HNRNPH3: variants seen among roughly 807,000 people sequenced by gnomAD.
HNRNPH3 encodes the protein heterogeneous nuclear ribonucleoprotein 2H9.
In HNRNPH3, 7 loss-of-function variants were observed where a neutral mutation model predicts 47.0. The observed-to-expected ratio is 0.15, with a 90% CI of 0.08 to 0.28. The LOEUF (loss-of-function observed/expected upper bound fraction) is 0.28. HNRNPH3 is among the 10% of genes least tolerant of loss of function. The pLI, the probability that HNRNPH3 is intolerant of heterozygous loss-of-function variation, is 1.00. For synonymous variants in HNRNPH3, 120 were observed against 143.2 expected (o/e 0.84, Z 1.16); for missense variants, 279 against 449.6 (o/e 0.62, Z 3.43).
In HNRNPH3 at chr10:68,341,783, T is replaced by C. The variant is rs1238768477; in HGVS notation, c.896T>C (p.Val299Ala). 1 of 1,608,712 alleles carries C rather than the reference T, an allele frequency of 6.2e-7. No individual in the cohort carries two copies. The highest frequency in any genetic ancestry group is 2.2e-5 in the East Asian group (1 of 44,842). The change falls in exon 9 of 10, where the codon GTT becomes GCT. Residue 299 changes from valine (V) to alanine (A), a missense_variant. Around this residue, in one of 2 missense-constraint regions of HNRNPH3, gnomAD observed 239 missense variants for 335.8 expected, o/e 0.71. Transcript: ENST00000265866. ...GMDNQGGYGS[V>A]GRMGMGNNYS... ...GATAATCAGGGAGGCTATGGATCAGTTGGAAGAATGGGAATGGGGAACAAT... is the reference window on the plus strand; with the variant it reads ...GATAATCAGGGAGGCTATGGATCAGCTGGAAGAATGGGAATGGGGAACAAT...
intron 6 of HNRNPH3, among the ~76,000 whole-genome samples, chr10:68,340,809 C>CTT (rs548741674): frequency 1.4e-4 from 8 of 57,264 alleles, no homozygotes; most frequent in South Asian, 1.7e-3. Flanking sequence ...TGTTTGTGTG[C>CTT]TTTTTTTTTT....
intron 6 of HNRNPH3, among the ~76,000 whole-genome samples, chr10:68,340,427 G>T (rs966567558): frequency 6.6e-6 from 1 of 152,226 alleles, no homozygotes; most frequent in African/African-American, 2.4e-5. Flanking sequence ...GAAATAACAG[G>T]AATAGATGCT....
intron 1 of HNRNPH3, among the ~76,000 whole-genome samples, chr10:68,332,417 C>T (rs2045196490): frequency 6.6e-6 from 1 of 152,294 alleles, no homozygotes; most frequent in South Asian, 2.1e-4. Context: ...AGGACTTGCT[C>T]AGGTGGAATT....
At position 68,338,705 on chromosome 10, in the gene HNRNPH3, A is replaced by G. The variant is rs199980203; in HGVS notation, c.436+18A>G. 123 of 1,534,508 alleles carry G rather than the reference A, an allele frequency of 8.0e-5. 1 individual carries two copies. In the African/African-American group the frequency reaches 1.6e-3, roughly 20 times the overall value. On this transcript the variant is annotated intron_variant, in intron 4 of 9. Transcript: ENST00000265866. ...TGATGGTGGTATGTGTATCTAATGA[A>G]CAAAGGTTCTGTTGTCATTTTCTTA...
At chr10:68,334,633 A>G (rs1033624243) in intron 1 of HNRNPH3, among the ~76,000 whole-genome samples, 17 of 152,222 alleles carry the variant, frequency 1.1e-4, no homozygotes, top group Non-Finnish European at 2.4e-4. Context: ...AAATGGAATC[A>G]TGCAATATGT....
At chr10:68,336,968 A>C in intron 1 of HNRNPH3, 2 of 384,612 alleles carry the variant, frequency 5.2e-6, no homozygotes, top group Non-Finnish European at 9.3e-6. Context: ...GCAATATATA[A>C]TATTGATACT....
chr10:68,339,591 C>T (rs1431429658), intron 6 of HNRNPH3, 36 bp downstream of exon 6: 5 of 1,282,846 alleles, frequency 3.9e-6, no homozygotes, highest in South Asian at 2.5e-5. Flanking sequence ...TGGTTTTATA[C>T]TTATCCTGGT....
At chr10:68,331,993 G>A (rs984053677), upstream of HNRNPH3, 1 of 152,540 alleles carries the variant, frequency 6.6e-6, no homozygotes, top group African/African-American at 2.4e-5. Flanking sequence ...TCGCGAGAGT[G>A]GGGCCGGCCG....
chr10:68,334,894 C>T (rs2045459520), intron 1 of HNRNPH3, among the ~76,000 whole-genome samples: 2 of 152,162 alleles, frequency 1.3e-5, no homozygotes, highest in Non-Finnish European at 2.9e-5. Context: ...GAGCAGATTG[C>T]TTCTTCCTGT....
In HNRNPH3 at chr10:68,337,746, T is replaced by TTTTGG; in HGVS notation, c.113-108_113-107insGTTTG. The TTTTGG allele has an allele frequency of 2.4e-6, 2 of 843,156 alleles. No homozygotes were observed. The highest frequency in any genetic ancestry group is 3.3e-6 in the Non-Finnish European group (2 of 601,780). 52.2% of individuals were successfully genotyped at this position (843,156 alleles called of 1,614,324 possible). A position where few individuals can be genotyped will look rare whatever the true frequency, so the allele number is the denominator to read the frequency against. The stretch of plus-strand genomic sequence containing the variant: ...TATGGGGTGATGGGAAACTAAGCTT[T>TTTTGG]TTTGTTTTGTTTTGTTTTGTTTAGA... On this transcript the variant is annotated intron_variant, in intron 2 of 9. Transcript: ENST00000265866. This position sits in a 1 kb window ranked among gnomAD's most constrained non-coding sequence, Gnocchi z 4.5.
chr10:68,337,749 T>C lies in HNRNPH3; in HGVS notation c.113-109T>C. 1.0e-6 allele frequency: 1 copy of C among 997,754 alleles called. No individual in the cohort carries two copies. Among genetic ancestry groups the C allele is most frequent in the Non-Finnish European group, 1.5e-6 (1 of 684,830 alleles). The allele number at this position is 997,754 out of a possible 1,614,324, so 61.8% of individuals were successfully genotyped here. On this transcript the variant is annotated intron_variant, in intron 2 of 9. Coordinates refer to ENST00000265866, the MANE Select transcript of HNRNPH3 (RefSeq NM_012207.3). This position sits in a 1 kb window ranked among gnomAD's most constrained non-coding sequence, Gnocchi z 4.5. ...GGGGTGATGGGAAACTAAGCTTTTT[T>C]GTTTTGTTTTGTTTTGTTTAGACTT... is the stretch of plus-strand genomic sequence containing the variant.
chr10:68,332,538 G>T (rs571381923), intron 1 of HNRNPH3, among the ~76,000 whole-genome samples: 1 of 152,278 alleles, frequency 6.6e-6, no homozygotes, highest in African/African-American at 2.4e-5. Flanking sequence ...TCGGCTTCCC[G>T]CCCTTCCCCG....
chr10:68,342,313 G>GATGTGCTGCCTTC lies in HNRNPH3; in HGVS notation c.*262_*274dup, dbSNP rs1289329773. 2 of 353,474 alleles carry GATGTGCTGCCTTC rather than the reference G, an allele frequency of 5.7e-6. No individual in the cohort carries two copies. The highest frequency in any genetic ancestry group is 4.9e-5 in the South Asian group (1 of 20,372). The allele number at this position is 353,474 out of a possible 1,614,324, so 21.9% of individuals were successfully genotyped here. The stretch of plus-strand genomic sequence containing the variant: ...TTTTTATATACTAGTTACTCCTAAA[G>GATGTGCTGCCTTC]ATGTGCTGCCTTCATAAGATTTGGG... On this transcript the variant is annotated 3_prime_UTR_variant, in exon 10 of 10. Coordinates refer to ENST00000265866, the MANE Select transcript of HNRNPH3 (RefSeq NM_012207.3).
Position 68,341,754 on chromosome 10 carries a change from T to A in HNRNPH3, c.872-5T>A. The A allele has an allele frequency of 6.3e-7, 1 of 1,596,452 alleles. No individual in the cohort carries two copies. The highest frequency in any genetic ancestry group is 8.5e-7 in the Non-Finnish European group (1 of 1,173,828). On this transcript the variant is annotated splice_polypyrimidine_tract_variant and splice_region_variant and intron_variant, in intron 8 of 9. Transcript: ENST00000265866. ...CTCAATTTTTTTTCTTTTTTCTTTT[T>A]AAAGATAATCAGGGAGGCTATGGAT...
At chr10:68,336,755 T>G (rs1198963578) in intron 1 of HNRNPH3, 1 of 153,590 alleles carries the variant, frequency 6.5e-6, no homozygotes, top group African/African-American at 2.4e-5. Context: ...ATTTTTTTAC[T>G]TAGGCTCTTG....
upstream of HNRNPH3, chr10:68,331,951 C>T (rs1051707712): frequency 1.3e-5 from 2 of 152,484 alleles, no homozygotes; most frequent in African/African-American, 2.4e-5. Context: ...CGCTGCGTGC[C>T]GCCAGCGCCA....
chr10:68,332,944 A>G (rs2045281051), intron 1 of HNRNPH3: 1 of 152,138 alleles, frequency 6.6e-6, no homozygotes, highest in African/African-American at 2.4e-5. Flanking sequence ...CCGGTGGCGA[A>G]GGGTTTTAAG....
At chr10:68,334,203 G>A (rs2045402397) in intron 1 of HNRNPH3, among the ~76,000 whole-genome samples, 1 of 152,180 alleles carries the variant, frequency 6.6e-6, no homozygotes, top group African/African-American at 2.4e-5. Context: ...CATTGGGAAG[G>A]AATGATGTAA....
At chr10:68,334,863 T>A (rs2134658291) in intron 1 of HNRNPH3, among the ~76,000 whole-genome samples, 1 of 152,344 alleles carries the variant, frequency 6.6e-6, no homozygotes, top group Middle Eastern at 3.4e-3. Flanking sequence ...CTGTTTTAAG[T>A]AGTTTCTGAC....
Sources: allele counts gnomAD v4.1 joint callset (sites outside exome capture counted in the v4.1 genomes callset), GRCh38; gene constraint gnomAD v4.1.1; regional missense constraint gnomAD v4.1.1; non-coding constraint Gnocchi (gnomAD v3.1); transcripts MANE v1.5; gene names NCBI Gene and HGNC (gene_info 2026-07-23, HGNC 2026-07-21).